The following AK9 variants were observed in gnomAD, a reference collection of about 807,000 sequenced individuals.
The protein encoded by AK9 is adenylate kinase domain containing 1.
Under a neutral mutation model 239.6 loss-of-function variants are expected in AK9, and 191 were observed. That is an observed-to-expected ratio of 0.80 (90% CI 0.71 to 0.90). The LOEUF (loss-of-function observed/expected upper bound fraction) is 0.90, where lower values mean the gene tolerates loss of function less well. AK9 is among the 40% of genes least tolerant of loss of function. The pLI is 0.00. For synonymous variants in AK9, 689 were observed against 721.0 expected (o/e 0.96, Z 0.71); for missense variants, 1,995 against 2,214.7 (o/e 0.90, Z 1.99).
intron 8 of AK9, among the ~76,000 whole-genome samples, chr6:109,646,685 A>G (rs1798107062): frequency 6.6e-6 from 1 of 152,182 alleles, no homozygotes; most frequent in African/African-American, 2.4e-5. Flanking sequence ...ATCCAGGAAA[A>G]CTTCCCCAAC....
At chr6:109,547,491 T>C (rs1001196098) in intron 25 of AK9, among the ~76,000 whole-genome samples, 1 of 152,112 alleles carries the variant, frequency 6.6e-6, no homozygotes, top group Admixed American at 6.6e-5. Context: ...TGGATATCCA[T>C]ATGCAGAAGA....
At chr6:109,649,268 A>G (rs950789209) in intron 8 of AK9, among the ~76,000 whole-genome samples, 2 of 151,930 alleles carry the variant, frequency 1.3e-5, no homozygotes, top group Non-Finnish European at 2.9e-5. Context: ...AAGGAAATAA[A>G]GGGTATTCAA....
chr6:109,506,468 T>G lies in AK9; in HGVS notation c.4708A>C (p.Arg1570=). Residue 1570 remains arginine, a synonymous_variant, in exon 35 of 41, where the codon AGG becomes CGG. Coordinates refer to ENST00000424296, the MANE Select transcript of AK9 (RefSeq NM_001145128.3). ...VKYRKNIGEI[R]QYYQEQHQNW... ...TGATGCTGTTCTTGATAATATTGCCTAATCTCACCAATATTTTTGCGATAC... is the reference window on the plus strand; with the variant it reads ...TGATGCTGTTCTTGATAATATTGCCGAATCTCACCAATATTTTTGCGATAC... 6.2e-7 allele frequency: 1 copy of G among 1,613,688 alleles called. No individual in the cohort carries two copies. Among genetic ancestry groups the G allele is most frequent in the South Asian group, 1.1e-5 (1 of 91,058 alleles).
intron 38 of AK9, 79 bp downstream of exon 38, chr6:109,497,384 TCA>T (rs72357621): frequency 0.15 from 69,931 of 456,966 alleles, 4,873 homozygotes; most frequent in East Asian, 0.24. Flanking sequence ...TCTCTCTCTC[TCA>T]CACACTCCTC....
chr6:109,549,770 A>T (rs1287025848), intron 25 of AK9: 1 of 155,112 alleles, frequency 6.4e-6, no homozygotes, highest in Non-Finnish European at 1.3e-5. Context: ...GGTTCACGCC[A>T]TTCTCCTGCC....
intron 12 of AK9, among the ~76,000 whole-genome samples, chr6:109,628,373 G>C (rs1050998510): frequency 6.6e-6 from 1 of 152,140 alleles, no homozygotes; most frequent in African/African-American, 2.4e-5. Flanking sequence ...CACAGTGCAG[G>C]CTGCTTCAGA....
intron 29 of AK9, among the ~76,000 whole-genome samples, chr6:109,525,124 C>CATTT (rs1194071838): frequency 2.0e-5 from 3 of 152,160 alleles, no homozygotes; most frequent in African/African-American, 7.2e-5. Context: ...ACTAGGGAGT[C>CATTT]ATTTCCCCAT....
intron 1 of AK9, among the ~76,000 whole-genome samples, chr6:109,687,992 G>C (rs1374482882): frequency 6.6e-6 from 1 of 152,152 alleles, no homozygotes; most frequent in African/African-American, 2.4e-5. Flanking sequence ...CTCAATGCTT[G>C]CATAATGGGT....
intron 12 of AK9, chr6:109,631,878 A>G (rs1796116568): frequency 6.6e-6 from 1 of 152,294 alleles, no homozygotes; most frequent in South Asian, 2.1e-4. Context: ...GGCACAAAGA[A>G]GATAAATTGT....
At chr6:109,686,793 A>G (rs1773573426) in intron 1 of AK9, among the ~76,000 whole-genome samples, 1 of 152,234 alleles carries the variant, frequency 6.6e-6, no homozygotes, top group African/African-American at 2.4e-5. Flanking sequence ...TCAAGTGACT[A>G]TGCAACTGGA....
chr6:109,634,323 C>T lies in AK9; in HGVS notation c.934-1000G>A, dbSNP rs74512334. Among the ~76,000 whole-genome samples the T allele has an allele frequency of 6.3e-3, 957 of 152,292 alleles. 16 individuals are homozygous for T. Among genetic ancestry groups the T allele is most frequent in the African/African-American group, 0.022 (909 of 41,560 alleles). ...GGAAACACAGCACAAAGGCCCTCACCGGATGCCAGTGCCATGCACTTGGAC... is the reference window on the plus strand; with the variant it reads ...GGAAACACAGCACAAAGGCCCTCACTGGATGCCAGTGCCATGCACTTGGAC... On this transcript the variant is annotated intron_variant, in intron 10 of 40. Transcript: ENST00000424296.
At chr6:109,638,365 A>AT (rs1271302429) in intron 10 of AK9, among the ~76,000 whole-genome samples, 2 of 152,214 alleles carry the variant, frequency 1.3e-5, no homozygotes, top group African/African-American at 4.8e-5. Flanking sequence ...TATCCCAGTT[A>AT]TGTTGACCCA....
chr6:109,651,068 C>G lies in AK9; in HGVS notation c.759+5688G>C, dbSNP rs529450316. Among the ~76,000 whole-genome samples, 97 of 151,890 alleles carry G rather than the reference C, an allele frequency of 6.4e-4. 1 individual carries two copies. The highest frequency in any genetic ancestry group is 1.1e-3 in the Non-Finnish European group (72 of 67,982). Reference sequence around the variant, plus strand: ...GACACAGGAATGGGAACATCACACACCGGGGACTGTTGTGGGGTGGGGGTA... The same window carrying G: ...GACACAGGAATGGGAACATCACACAGCGGGGACTGTTGTGGGGTGGGGGTA... On this transcript the variant is annotated intron_variant, in intron 8 of 40. Coordinates refer to ENST00000424296, the MANE Select transcript of AK9 (RefSeq NM_001145128.3).
At chr6:109,535,424 G>A (rs1052896534) in intron 27 of AK9, among the ~76,000 whole-genome samples, 16 of 152,056 alleles carry the variant, frequency 1.1e-4, no homozygotes, top group African/African-American at 2.4e-4. Flanking sequence ...GTGTCTGTTC[G>A]TATCCTTTGC....
intron 40 of AK9, among the ~76,000 whole-genome samples, 167 bp from the exon 41 acceptor site, chr6:109,493,738 T>C (rs41288568): frequency 0.019 from 2,961 of 152,348 alleles, 52 homozygotes; most frequent in Non-Finnish European, 0.03. Context: ...TAATTGCCTC[T>C]ATTCACCCTT....
chr6:109,577,805 T>C (rs886606037), intron 20 of AK9, among the ~76,000 whole-genome samples: 2 of 152,076 alleles, frequency 1.3e-5, no homozygotes, highest in Non-Finnish European at 2.9e-5. Flanking sequence ...ATCTTTTGTG[T>C]TTCTGTGGTA....
intron 6 of AK9, among the ~76,000 whole-genome samples, chr6:109,659,824 A>C (rs892139226): frequency 3.9e-5 from 6 of 152,194 alleles, no homozygotes; most frequent in African/African-American, 1.2e-4. Flanking sequence ...TATATTGTTT[A>C]TTTGTAATAT....
At chr6:109,528,811 T>C in intron 29 of AK9, 200 bp downstream of exon 29, 1 of 859,240 alleles carries the variant, frequency 1.2e-6, no homozygotes, top group Non-Finnish European at 1.8e-6. Context: ...GAAAAGCTGT[T>C]ACAAGAGTGT....
intron 5 of AK9, among the ~76,000 whole-genome samples, chr6:109,667,973 G>A (rs1239909760): frequency 1.1e-4 from 16 of 151,768 alleles, no homozygotes; most frequent in South Asian, 2.1e-4. Context: ...CTGAGGAATC[G>A]CCACAGTCTT....
Sources: allele counts gnomAD v4.1 joint callset (sites outside exome capture counted in the v4.1 genomes callset), GRCh38; gene constraint gnomAD v4.1.1; transcripts MANE v1.5; gene names NCBI Gene and HGNC (gene_info 2026-07-23, HGNC 2026-07-21).